The following MGA variants were observed in gnomAD, a reference collection of about 807,000 sequenced individuals.
MGA encodes the protein MAX gene-associated protein.
Under a neutral mutation model 261.1 loss-of-function variants are expected in MGA, and 40 were observed. The ratio of observed to expected loss-of-function variants is 0.15; its 90% CI spans 0.12 to 0.20. MGA has a LOEUF of 0.20. Among genes scored for constraint, MGA ranks in the 10% least tolerant of loss-of-function variants. MGA has a pLI of 1.00. For synonymous variants in MGA, 1,302 were observed against 1,290.6 expected, an observed-to-expected ratio of 1.01 and a Z score of -0.19; for missense variants, 3,397 against 3,630.5, an observed-to-expected ratio of 0.94 and a Z score of 1.65.
At chr15:41,735,535 A>C in intron 12 of MGA, among the ~76,000 whole-genome samples, 1 of 152,146 alleles carries the variant, frequency 6.6e-6, no homozygotes, top group East Asian at 1.9e-4. Flanking sequence ...CAAGAGATCC[A>C]AGACCATCCT....
At chr15:41,746,401 G>T (rs745483117) in intron 15 of MGA, among the ~76,000 whole-genome samples, 1 of 151,982 alleles carries the variant, frequency 6.6e-6, no homozygotes, top group South Asian at 2.1e-4. Flanking sequence ...AAAATTAGCC[G>T]GATGTGGTGG....
chr15:41,736,171 T>C lies in MGA; in HGVS notation c.3917-10T>C. On this transcript the variant is annotated splice_polypyrimidine_tract_variant and intron_variant, in intron 12 of 23. Transcript: ENST00000219905. ...TCAACTTTTTCTTTTTTATTATTAT[T>C]TTACATCAGAAAAGAGCTGGAAGTC... The C allele has an allele frequency of 1.3e-6, 2 of 1,513,828 alleles. No homozygotes were observed. The highest frequency in any genetic ancestry group is 1.8e-6 in the Non-Finnish European group (2 of 1,131,976). 93.8% of individuals were successfully genotyped at this position (1,513,828 alleles called of 1,614,324 possible).
At chr15:41,748,184 G>C (rs1365936990) in intron 15 of MGA, among the ~76,000 whole-genome samples, 1 of 152,100 alleles carries the variant, frequency 6.6e-6, no homozygotes, top group Non-Finnish European at 1.5e-5. Context: ...TTGAACCAAG[G>C]AGTTTGAGAC....
At chr15:41,711,556 A>G (rs1001329205) in intron 8 of MGA, among the ~76,000 whole-genome samples, 7 of 144,552 alleles carry the variant, frequency 4.8e-5, no homozygotes, top group African/African-American at 1.8e-4. Context: ...CATCAGAGAG[A>G]GAGAGTACAA....
chr15:41,622,030 C>T (rs1302060041), intron 1 of MGA, among the ~76,000 whole-genome samples: 4 of 20,508 alleles, frequency 2.0e-4, no homozygotes, highest in Admixed American at 1.6e-3. Flanking sequence ...GCTGCTGGCG[C>T]GGGGTAGGGG....
chr15:41,726,018 T>G (rs920012766), intron 9 of MGA, among the ~76,000 whole-genome samples: 8 of 152,192 alleles, frequency 5.3e-5, no homozygotes, highest in African/African-American at 1.9e-4. Flanking sequence ...AACATGACAT[T>G]TTGATGTAAA....
In MGA at chr15:41,696,510, T is replaced by A. The variant is rs778328287; in HGVS notation, c.1500T>A (p.Ser500=). Residue 500 remains serine (S), a synonymous_variant, in exon 3 of 24, where the codon TCT becomes TCA. Transcript: ENST00000219905. ...CCACATCTCGAAAGGATAAATCTTC[T>A]ATGTTGGCAGAATTGGAATATTTGC... 1.9e-6 allele frequency: 3 copies of A among 1,614,034 alleles called. No homozygotes were observed. The highest frequency in any genetic ancestry group is 2.2e-5 in the South Asian group (2 of 91,086).
chr15:41,634,959 A>C (rs577726178), intron 1 of MGA, among the ~76,000 whole-genome samples: 1 of 152,286 alleles, frequency 6.6e-6, no homozygotes, highest in South Asian at 2.1e-4. Flanking sequence ...TGATGAGAAT[A>C]GTTTGAAGTA....
intron 1 of MGA, among the ~76,000 whole-genome samples, chr15:41,646,367 A>G (rs944601837): frequency 2.0e-5 from 3 of 150,678 alleles, no homozygotes; most frequent in Admixed American, 2.0e-4. Context: ...TTTTTTGGAG[A>G]TGGAGTCTTG....
At chr15:41,622,838 A>T (rs1475613501) in intron 1 of MGA, among the ~76,000 whole-genome samples, 1 of 152,206 alleles carries the variant, frequency 6.6e-6, no homozygotes, top group African/African-American at 2.4e-5. Context: ...GGTGAAGAAA[A>T]GTATAAATTG....
In MGA at chr15:41,727,274, C is replaced by T. The variant is rs946850329; in HGVS notation, c.3525C>T (p.Pro1175=). The change falls in exon 10 of 24, where the codon CCC becomes CCT. Residue 1175 remains proline, a synonymous_variant. Coordinates refer to ENST00000219905, the MANE Select transcript of MGA (RefSeq NM_001164273.2). ...TAGATCCAGAACCAGTTTATATCCCCACGCCTTCTGTCATTGAGCCTATGA... is the reference window on the plus strand; with the variant it reads ...TAGATCCAGAACCAGTTTATATCCCTACGCCTTCTGTCATTGAGCCTATGA... 1.9e-6 allele frequency: 3 copies of T among 1,613,916 alleles called. No individual in the cohort carries two copies. The highest frequency in any genetic ancestry group is 2.2e-5 in the East Asian group (1 of 44,866).
intron 22 of MGA, among the ~76,000 whole-genome samples, chr15:41,764,252 A>ATTTTTTT (rs71108132): frequency 9.1e-6 from 1 of 109,724 alleles, no homozygotes; most frequent in African/African-American, 3.1e-5. Flanking sequence ...TGGTGTGGGT[A>ATTTTTTT]TTTTTTTTTT....
intron 5 of MGA, 83 bp from the exon 6 acceptor site, chr15:41,707,645 C>T (rs2060190708): frequency 7.4e-7 from 1 of 1,349,010 alleles, no homozygotes; most frequent in Non-Finnish European, 1.0e-6. Flanking sequence ...CCGCCATCTC[C>T]CAGGCACAAG....
At position 41,764,963 on chromosome 15, in the gene MGA, A is replaced by C; in HGVS notation, c.7822A>C (p.Lys2608Gln). ...TCCGCAAGGGCAATTGCTCACCCTA[A>C]AAGGTCCCCTATTCTCAGGACCAGT... Residue 2608 changes from lysine to glutamine, a missense_variant, in exon 23 of 24, where the codon AAA becomes CAA. By Grantham distance (53) the Lys-to-Gln change is moderately conservative. This residue lies in a region of MGA where 647 missense variants were observed against 642.4 expected (regional missense o/e 1.01). Transcript: ENST00000219905. 1 of 1,614,024 alleles carries C rather than the reference A, an allele frequency of 6.2e-7. No homozygotes were observed. Among genetic ancestry groups the C allele is most frequent in the Non-Finnish European group, 8.5e-7 (1 of 1,179,900 alleles).
chr15:41,649,571 A>G (rs998643417), intron 1 of MGA, among the ~76,000 whole-genome samples: 1 of 152,134 alleles, frequency 6.6e-6, no homozygotes, highest in African/African-American at 2.4e-5. Context: ...AGATTTGATG[A>G]TTGACTTGAT....
intron 1 of MGA, among the ~76,000 whole-genome samples, chr15:41,627,671 C>T (rs2056488066): frequency 6.6e-6 from 1 of 152,114 alleles, no homozygotes; most frequent in Admixed American, 6.6e-5. Context: ...ATAAGTAATA[C>T]ATTGACAAGC....
intron 1 of MGA, among the ~76,000 whole-genome samples, chr15:41,628,516 G>GTT (rs1433815959): frequency 1.6e-4 from 24 of 151,978 alleles, no homozygotes; most frequent in African/African-American, 5.8e-4. Context: ...ATGATAAAGA[G>GTT]TAAGACACAC....
intron 1 of MGA, among the ~76,000 whole-genome samples, chr15:41,664,047 C>G (rs1261540069): frequency 6.6e-6 from 1 of 152,100 alleles, no homozygotes; most frequent in Non-Finnish European, 1.5e-5. Flanking sequence ...TGTTATGGCT[C>G]AAGATAGAGA....
intron 3 of MGA, among the ~76,000 whole-genome samples, chr15:41,697,761 T>C (rs1595764429): frequency 6.6e-6 from 1 of 152,114 alleles, no homozygotes; most frequent in East Asian, 1.9e-4. Flanking sequence ...GAACCAAATA[T>C]TAACAGTCAT....
Sources: gnomAD v4.1 joint callset for allele counts (sites outside exome capture counted in the v4.1 genomes callset) on GRCh38, gnomAD v4.1.1 for gene constraint, gnomAD v4.1.1 regional missense constraint, MANE v1.5 for transcripts, NCBI Gene and HGNC (gene_info 2026-07-23, HGNC 2026-07-21) for gene names.